The following HBS1L variants were observed in gnomAD, a reference collection of about 807,000 sequenced individuals.
The protein encoded by HBS1L is HBS1 like translational GTPase, also known as HBS1-like protein.
Under a neutral mutation model 88.9 loss-of-function variants are expected in HBS1L, and 55 were observed. The ratio of observed to expected loss-of-function variants is 0.62; its 90% CI spans 0.50 to 0.77. HBS1L has a LOEUF of 0.77. Among genes scored for constraint, HBS1L ranks in the 30% least tolerant of loss-of-function variants. HBS1L has a pLI of 0.00. For missense variants in HBS1L, 741 were observed against 829.3 expected (o/e 0.89, Z 1.31); for synonymous variants, 267 against 288.5 (o/e 0.93, Z 0.76).
intron 4 of HBS1L, among the ~76,000 whole-genome samples, chr6:135,013,293 C>T (rs1775824732): frequency 6.6e-6 from 1 of 152,218 alleles, no homozygotes; most frequent in South Asian, 2.1e-4. Context: ...CTCTGCCAGT[C>T]ACCAAAATGC....
intron 12 of HBS1L, 91 bp from the exon 13 acceptor site, chr6:134,982,653 T>C (rs996525443): frequency 3.6e-5 from 22 of 604,108 alleles, no homozygotes; most frequent in African/African-American, 1.3e-4. Flanking sequence ...AGTAGTCATA[T>C]AAAACTAGTA....
chr6:134,966,260 T>C, intron 17 of HBS1L, 69 bp downstream of exon 17: 5 of 1,350,494 alleles, frequency 3.7e-6, no homozygotes, highest in Non-Finnish European at 5.1e-6. Context: ...TTCTTTTCAT[T>C]CCTAAAAGGT....
chr6:135,042,058 C>T lies in HBS1L; in HGVS notation c.178G>A (p.Asp60Asn), dbSNP rs1217431842. The T allele has an allele frequency of 1.2e-6, 2 of 1,613,248 alleles. No individual in the cohort carries two copies. Among genetic ancestry groups the T allele is most frequent in the Non-Finnish European group, 1.7e-6 (2 of 1,179,636 alleles). The change falls in exon 3 of 18, where the codon GAT (aspartate) becomes AAT (asparagine). Residue 60 changes from aspartate (D) to asparagine (N), a missense_variant. Physicochemically the swap from Asp to Asn is conservative, Grantham distance 23 (BLOSUM62 1). Around this residue, in one of 3 missense-constraint regions of HBS1L, gnomAD observed 556 missense variants for 598.4 expected, o/e 0.93. Transcript: ENST00000367837. ...VEPVEEYDYE[D>N]LKESSNSVSN... The stretch of plus-strand genomic sequence containing the variant: ...ACAGAATTGGAAGATTCTTTCAGAT[C>T]TTCATAATCATATTCTTCCACAGGC...
chr6:135,032,477 ATTTATATATAATCTG>A (rs374695497), intron 4 of HBS1L, among the ~76,000 whole-genome samples: 7 of 152,282 alleles, frequency 4.6e-5, no homozygotes, highest in African/African-American at 1.7e-4. Context: ...TCTAGTCCAC[ATTTATATATAATCTG>A]TTTATATATA....
At chr6:135,034,955 A>T (rs1223411347) in intron 4 of HBS1L, among the ~76,000 whole-genome samples, 1 of 152,212 alleles carries the variant, frequency 6.6e-6, no homozygotes, top group Non-Finnish European at 1.5e-5. Flanking sequence ...ATATGGAGTG[A>T]AGCCACAGTA....
At chr6:135,048,677 T>A (rs1361284890) in intron 2 of HBS1L, among the ~76,000 whole-genome samples, 4 of 152,246 alleles carry the variant, frequency 2.6e-5, no homozygotes, top group African/African-American at 9.6e-5. Flanking sequence ...GGTTGCACTT[T>A]TTGCATTATT....
chr6:135,000,084 G>C (rs771609002), intron 5 of HBS1L, among the ~76,000 whole-genome samples: 25 of 150,906 alleles, frequency 1.7e-4, no homozygotes, highest in Non-Finnish European at 3.4e-4. Flanking sequence ...AGATGGTCTC[G>C]CTCTCGCTGT....
intron 16 of HBS1L, among the ~76,000 whole-genome samples, chr6:134,966,926 G>A (rs1243504556): frequency 2.0e-5 from 3 of 147,518 alleles, no homozygotes; most frequent in African/African-American, 8.1e-5. Flanking sequence ...TATGGAATGT[G>A]TATTAGGAAG....
At position 135,039,541 on chromosome 6, in the gene HBS1L, A is replaced by G. The variant is rs746982652; in HGVS notation, c.430+32T>C. On this transcript the variant is annotated intron_variant, in intron 4 of 17. Coordinates refer to ENST00000367837, the MANE Select transcript of HBS1L (RefSeq NM_006620.4). ...CCTCTCTTTAGGCATTAACTATGTA[A>G]AACAAGTGAAAAAGAACAAGTAAAG... 3.8e-6 allele frequency: 6 copies of G among 1,573,322 alleles called. No individual in the cohort carries two copies. The African/African-American group carries it at 8.1e-5, about 21-fold the overall frequency.
Position 134,982,506 on chromosome 6 carries a change from C to T in HBS1L, c.1549G>A (p.Gly517Ser). The T allele has an allele frequency of 6.2e-7, 1 of 1,611,810 alleles. No individual in the cohort carries two copies. Among genetic ancestry groups the T allele is most frequent in the African/African-American group, 1.3e-5 (1 of 74,900 alleles). Residue 517 changes from glycine (G) to serine (S), a missense_variant, in exon 13 of 18, where the codon GGT becomes AGT. Coordinates refer to ENST00000367837, the MANE Select transcript of HBS1L (RefSeq NM_006620.4). ...GGAGGCATTGCCAGTAGTCGGTCAC[C>T]AGTTTGGATATAACCAGCTTCTATT... ...GKIEAGYIQT[G>S]DRLLAMPPNE... is the part of the protein sequence containing the mutation.
At position 134,975,074 on chromosome 6, in the gene HBS1L, C is replaced by T. The variant is rs189015122; in HGVS notation, c.1797+3605G>A. On this transcript the variant is annotated intron_variant, in intron 15 of 17. Coordinates refer to ENST00000367837, the MANE Select transcript of HBS1L (RefSeq NM_006620.4). Reference sequence around the variant, plus strand: ...ATGAATTCAGTAAAGTCTCAGGTTACAAAATCAATGTACACAAATCAGTAG... The same window carrying T: ...ATGAATTCAGTAAAGTCTCAGGTTATAAAATCAATGTACACAAATCAGTAG... Among the ~76,000 whole-genome samples, 87 of 152,200 alleles carry T rather than the reference C, an allele frequency of 5.7e-4. 1 individual carries two copies. Among genetic ancestry groups the T allele is most frequent in the African/African-American group, 2.0e-3 (84 of 41,530 alleles).
At chr6:135,020,391 T>G (rs549078643) in intron 4 of HBS1L, among the ~76,000 whole-genome samples, 1 of 152,030 alleles carries the variant, frequency 6.6e-6, no homozygotes, top group East Asian at 1.9e-4. Context: ...TAGACATTAT[T>G]TTCTCATGGA....
At chr6:135,050,155 T>C (rs1358530977) in intron 2 of HBS1L, among the ~76,000 whole-genome samples, 2 of 152,208 alleles carry the variant, frequency 1.3e-5, no homozygotes, top group Non-Finnish European at 2.9e-5. Context: ...TATTGGTTTA[T>C]TTACCAAACT....
In HBS1L at chr6:134,986,762, G is replaced by A. The variant is rs986525920; in HGVS notation, c.1279C>T (p.His427Tyr). The change falls in exon 10 of 18, where the codon CAC (histidine) becomes TAC (tyrosine). Residue 427 changes from histidine to tyrosine, a missense_variant. Physicochemically the swap from His to Tyr is moderately conservative, Grantham distance 83. Coordinates refer to ENST00000367837, the MANE Select transcript of HBS1L (RefSeq NM_006620.4). ...TTAAAACCTGCTTGCTTAAGAAAGTGCCCAAGTTTTCCAGTAATCTCTTGA... is the reference window on the plus strand; with the variant it reads ...TTAAAACCTGCTTGCTTAAGAAAGTACCCAAGTTTTCCAGTAATCTCTTGA... The part of the protein sequence containing the change: ...RFQEITGKLG[H>Y]FLKQAGFKES... 6 of 1,568,966 alleles carry A rather than the reference G, an allele frequency of 3.8e-6. No homozygotes were observed. Among genetic ancestry groups the A allele is most frequent in the African/African-American group, 1.4e-5 (1 of 72,590 alleles).
intron 4 of HBS1L, among the ~76,000 whole-genome samples, chr6:135,017,617 AAT>A (rs1439396275): frequency 1.3e-5 from 2 of 152,082 alleles, no homozygotes; most frequent in African/African-American, 2.4e-5. Flanking sequence ...CACATTTAAA[AAT>A]ATATAAAGAA....
intron 4 of HBS1L, among the ~76,000 whole-genome samples, chr6:135,020,449 A>T (rs1444849550): frequency 6.6e-6 from 1 of 151,980 alleles, no homozygotes; most frequent in East Asian, 1.9e-4. Context: ...TGTTCAATGC[A>T]CTAGGGACAC....
chr6:135,054,569 C>T (rs2114939199), intron 1 of HBS1L, 80 bp downstream of exon 1: 4 of 1,523,158 alleles, frequency 2.6e-6, no homozygotes, highest in Middle Eastern at 1.7e-4. Flanking sequence ...GAGAAACTCA[C>T]AGATTGAAGT....
intron 3 of HBS1L, among the ~76,000 whole-genome samples, chr6:135,041,728 A>G (rs1188667034): frequency 2.0e-5 from 3 of 152,214 alleles, no homozygotes; most frequent in African/African-American, 7.2e-5. Context: ...ACGAATCACT[A>G]GAGTTTCTCT....
At chr6:135,006,584 T>G (rs1775619835) in intron 4 of HBS1L, among the ~76,000 whole-genome samples, 1 of 151,744 alleles carries the variant, frequency 6.6e-6, no homozygotes. Context: ...GAAAGAATAA[T>G]GATGGAAAGG....
Sources: gnomAD v4.1 joint callset for allele counts (sites outside exome capture counted in the v4.1 genomes callset) on GRCh38, gnomAD v4.1.1 for gene constraint, gnomAD v4.1.1 regional missense constraint, MANE v1.5 for transcripts, NCBI Gene and HGNC (gene_info 2026-07-23, HGNC 2026-07-21) for gene names.